Variants in RABGAP1L observed in about 807,000 individuals in gnomAD.
The protein encoded by RABGAP1L is rab GTPase-activating protein 1-like.
In RABGAP1L, 63 loss-of-function variants were observed where a neutral mutation model predicts 137.7. That is an observed-to-expected ratio of 0.46 (90% CI 0.37 to 0.56). RABGAP1L has a LOEUF of 0.56. Among genes scored for constraint, RABGAP1L ranks in the 20% least tolerant of loss-of-function variants. RABGAP1L has a pLI of 0.00. For synonymous variants in RABGAP1L, 431 were observed against 433.7 expected (o/e 0.99, Z 0.08); for missense variants, 1,095 against 1,244.0 (o/e 0.88, Z 1.80).
chr1:174,872,482 G>C (rs1004019016), intron 19 of RABGAP1L, among the ~76,000 whole-genome samples: 1 of 151,942 alleles, frequency 6.6e-6, no homozygotes, highest in Non-Finnish European at 1.5e-5. Context: ...ACACTGCTAA[G>C]AGTAGATAGA....
At chr1:174,581,645 A>T (rs894125292) in intron 13 of RABGAP1L, among the ~76,000 whole-genome samples, 1 of 152,218 alleles carries the variant, frequency 6.6e-6, no homozygotes, top group Non-Finnish European at 1.5e-5. Context: ...AACTCTGAAT[A>T]TGCCAAAAGT....
intron 23 of RABGAP1L, among the ~76,000 whole-genome samples, chr1:174,980,393 C>G (rs1372549984): frequency 6.6e-6 from 1 of 152,058 alleles, no homozygotes; most frequent in Non-Finnish European, 1.5e-5. Context: ...TCTCTAGAAG[C>G]TTATCATATA....
intron 20 of RABGAP1L, chr1:174,957,959 A>G (rs1668748803): frequency 1.9e-6 from 3 of 1,571,898 alleles, no homozygotes; most frequent in East Asian, 2.2e-5. Context: ...GCTGAGAGAA[A>G]GAGAGGGGAA....
intron 17 of RABGAP1L, among the ~76,000 whole-genome samples, chr1:174,723,599 A>C: frequency 6.6e-6 from 1 of 152,148 alleles, no homozygotes; most frequent in East Asian, 1.9e-4. Context: ...CGACACATGT[A>C]TTCAGTGTGT....
At chr1:174,722,334 C>T (rs138460959) in intron 17 of RABGAP1L, among the ~76,000 whole-genome samples, 18 of 152,236 alleles carry the variant, frequency 1.2e-4, no homozygotes, top group Middle Eastern at 3.4e-3. Flanking sequence ...TACACTTACA[C>T]GAATGGTATA....
At chr1:174,912,966 G>A (rs1471085836) in intron 19 of RABGAP1L, among the ~76,000 whole-genome samples, 2 of 151,594 alleles carry the variant, frequency 1.3e-5, no homozygotes, top group East Asian at 3.9e-4. Flanking sequence ...CTGTCTACAT[G>A]CTTATTTCTT....
intron 19 of RABGAP1L, among the ~76,000 whole-genome samples, chr1:174,906,217 C>A (rs1157674524): frequency 1.3e-5 from 2 of 149,530 alleles, no homozygotes; most frequent in Non-Finnish European, 3.0e-5. Flanking sequence ...CGGGGTTTCA[C>A]CATGTTAGCC....
At chr1:174,546,164 C>T (rs1417947285) in intron 13 of RABGAP1L, among the ~76,000 whole-genome samples, 4 of 152,082 alleles carry the variant, frequency 2.6e-5, no homozygotes, top group Non-Finnish European at 4.4e-5. Flanking sequence ...TTAAGCTGCT[C>T]TAAAGTTGGG....
intron 18 of RABGAP1L, chr1:174,799,958 ACACACACACACACACACACACT>A (rs750216756): frequency 5.7e-5 from 23 of 403,400 alleles, no homozygotes; most frequent in Admixed American, 3.5e-4. Context: ...ACACACACAC[ACACACACACACACACACACACT>A]CTCACACATT....
At chr1:174,163,084 A>G (rs1364315462) in intron 1 of RABGAP1L, among the ~76,000 whole-genome samples, 2 of 152,250 alleles carry the variant, frequency 1.3e-5, no homozygotes, top group South Asian at 2.1e-4. Flanking sequence ...GCATTTTGCC[A>G]TTACAAACAG....
At chr1:174,350,433 C>T (rs1322042538) in intron 11 of RABGAP1L, among the ~76,000 whole-genome samples, 6 of 93,540 alleles carry the variant, frequency 6.4e-5, no homozygotes, top group African/African-American at 1.4e-4. Flanking sequence ...CGGGCAGAGG[C>T]GCTCCTCACA....
chr1:174,773,778 G>A (rs1686308506), intron 18 of RABGAP1L, among the ~76,000 whole-genome samples: 1 of 152,084 alleles, frequency 6.6e-6, no homozygotes, highest in African/African-American at 2.4e-5. Flanking sequence ...CACTTATTCT[G>A]TCATAATCTT....
At chr1:174,589,351 C>T (rs1287334547) in intron 13 of RABGAP1L, among the ~76,000 whole-genome samples, 1 of 152,010 alleles carries the variant, frequency 6.6e-6, no homozygotes, top group Non-Finnish European at 1.5e-5. Flanking sequence ...TCCGGTTGTT[C>T]ATCATTTGTC....
At position 174,699,549 on chromosome 1, in the gene RABGAP1L, G is replaced by A. The variant is rs763117288; in HGVS notation, c.1924G>A (p.Val642Ile). ...GATGCCAGAGGAACAAGCATTCTGT[G>A]TTTTGGTGAAAATCATGTACGACTA... ...LHMPEEQAFC[V>I]LVKIMYDYGL... The change falls in exon 16 of 26, where the codon GTT becomes ATT. Residue 642 changes from valine to isoleucine, a missense_variant. Val to Ile is a conservative substitution (Grantham distance 29, BLOSUM62 3). Around this residue, in one of 4 missense-constraint regions of RABGAP1L, gnomAD observed 315 missense variants for 324.8 expected, o/e 0.97. Transcript: ENST00000681986. 3.7e-6 allele frequency: 6 copies of A among 1,612,442 alleles called. No homozygotes were observed. Among genetic ancestry groups the A allele is most frequent in the Admixed American group, 1.7e-5 (1 of 59,924 alleles).
At chr1:174,396,821 A>G (rs1036943671) in intron 13 of RABGAP1L, among the ~76,000 whole-genome samples, 10 of 152,118 alleles carry the variant, frequency 6.6e-5, no homozygotes, top group Admixed American at 6.6e-4. Flanking sequence ...TTTTAACTAT[A>G]CAACTTGCAA....
chr1:174,289,947 G>C (rs1044616476), intron 10 of RABGAP1L, among the ~76,000 whole-genome samples: 3 of 152,174 alleles, frequency 2.0e-5, no homozygotes, highest in African/African-American at 7.2e-5. Context: ...CTCCCTGATT[G>C]GTTGGGGCTG....
intron 19 of RABGAP1L, among the ~76,000 whole-genome samples, chr1:174,948,556 A>G (rs1667253207): frequency 1.3e-5 from 2 of 150,356 alleles, no homozygotes; most frequent in South Asian, 4.2e-4. Context: ...ATTCTTTGTA[A>G]CACAAAGGAT....
Position 174,799,758 on chromosome 1 carries a change from GGCAGCAGCAGCAGCAGTA to G in RABGAP1L, c.2212-12058_2212-12041del, listed in dbSNP as rs1449906048. On this transcript the variant is annotated intron_variant, in intron 18 of 25. Transcript: ENST00000681986. ...CCTTCATTACTGATTCACAGCGAGA[GGCAGCAGCAGCAGCAGTA>G]GCAGCAGCAGCAGCAACAACAGCGC... 1.3e-5 allele frequency: 10 copies of G among 783,164 alleles called. 1 individual carries two copies. In the Admixed American group the frequency reaches 1.9e-4, roughly 15 times the overall value. 48.5% of individuals were successfully genotyped at this position (783,164 alleles called of 1,614,324 possible). A position where few individuals can be genotyped will look rare whatever the true frequency, so the allele number is the denominator to read the frequency against.
chr1:174,725,206 C>T (rs573115732), intron 17 of RABGAP1L, among the ~76,000 whole-genome samples: 220 of 152,212 alleles, frequency 1.4e-3, no homozygotes, highest in African/African-American at 5.0e-3. Context: ...AGCTACTGCT[C>T]GGGTAAGAGT....
Sources: gnomAD v4.1 joint callset for allele counts (sites outside exome capture counted in the v4.1 genomes callset) on GRCh38, gnomAD v4.1.1 for gene constraint, gnomAD v4.1.1 regional missense constraint, MANE v1.5 for transcripts, NCBI Gene and HGNC (gene_info 2026-07-23, HGNC 2026-07-21) for gene names.